WDPCP: variants seen among roughly 807,000 people sequenced by gnomAD.
The protein encoded by WDPCP is WD repeat containing planar cell polarity effector.
WDPCP carries 71 observed loss-of-function variants against 93.1 expected under a neutral mutation model. The ratio of observed to expected loss-of-function variants is 0.76; its 90% CI spans 0.63 to 0.93. The LOEUF (loss-of-function observed/expected upper bound fraction) is 0.93. Ranked by LOEUF, WDPCP falls within the 40% of genes least tolerant of loss-of-function variation. The pLI is 0.00. For synonymous variants in WDPCP, 315 were observed against 315.0 expected, an observed-to-expected ratio of 1.00 and a Z score of 0.00; for missense variants, 844 against 887.4, an observed-to-expected ratio of 0.95 and a Z score of 0.62.
At chr2:63,258,180 G>A (rs957579371) in intron 14 of WDPCP, among the ~76,000 whole-genome samples, 17 of 152,122 alleles carry the variant, frequency 1.1e-4, no homozygotes, top group African/African-American at 4.1e-4. Flanking sequence ...TCCCTAGAAA[G>A]TAACAAGATA....
intron 12 of WDPCP, among the ~76,000 whole-genome samples, chr2:63,354,555 C>A (rs1011818538): frequency 6.6e-6 from 1 of 152,168 alleles, no homozygotes; most frequent in African/African-American, 2.4e-5. Context: ...AGTCTACCAA[C>A]TGACCAATAA....
At chr2:63,468,900 T>A (rs895723005) in intron 6 of WDPCP, among the ~76,000 whole-genome samples, 28 of 152,094 alleles carry the variant, frequency 1.8e-4, no homozygotes, top group Non-Finnish European at 3.1e-4. Flanking sequence ...TTGACTCCAT[T>A]TCTCCATCAA....
At chr2:63,702,686 C>G (rs1428786464) in intron 2 of WDPCP, among the ~76,000 whole-genome samples, 1 of 151,734 alleles carries the variant, frequency 6.6e-6, no homozygotes, top group Non-Finnish European at 1.5e-5. Context: ...TGCAGGCGCC[C>G]ACCACCACAT....
intron 2 of WDPCP, among the ~76,000 whole-genome samples, chr2:63,732,410 T>G (rs1669575215): frequency 6.6e-6 from 1 of 152,196 alleles, no homozygotes; most frequent in Admixed American, 6.5e-5. Context: ...AAAAAGGTGA[T>G]TTGTAAATAT....
At chr2:63,764,867 C>T (rs1002165684) in intron 2 of WDPCP, among the ~76,000 whole-genome samples, 2 of 152,170 alleles carry the variant, frequency 1.3e-5, no homozygotes, top group Non-Finnish European at 2.9e-5. Flanking sequence ...GATTACTTTC[C>T]TAGCCCAGAT....
intron 2 of WDPCP, among the ~76,000 whole-genome samples, chr2:63,653,837 G>T (rs1051722139): frequency 1.3e-5 from 2 of 151,112 alleles, no homozygotes; most frequent in African/African-American, 2.4e-5. Flanking sequence ...CTGAAGCCAG[G>T]AGACAAAGGT....
intron 12 of WDPCP, among the ~76,000 whole-genome samples, chr2:63,334,650 G>C (rs1486707318): frequency 2.6e-5 from 4 of 152,100 alleles, no homozygotes; most frequent in Non-Finnish European, 5.9e-5. Flanking sequence ...TTTCCCTTTA[G>C]CTTAGTGAGT....
chr2:63,382,893 C>A (rs191253464), intron 10 of WDPCP, among the ~76,000 whole-genome samples: 1 of 152,014 alleles, frequency 6.6e-6, no homozygotes, highest in South Asian at 2.1e-4. Flanking sequence ...AGAATGTGAC[C>A]GTCCAACAGC....
At position 63,484,318 on chromosome 2, in the gene WDPCP, C is replaced by T. The variant is rs867384761; in HGVS notation, c.384+286G>A. The stretch of plus-strand genomic sequence containing the variant: ...TTATTAAATCTATGCCAGCAAACAT[C>T]TACTACAACATTCAGACAACTTCAA... On this transcript the variant is annotated intron_variant, in intron 6 of 17. Transcript: ENST00000272321. 2.0e-5 allele frequency among the ~76,000 whole-genome samples: 3 copies of T among 151,946 alleles called. No homozygotes were observed. In the South Asian group the frequency reaches 6.2e-4, roughly 31 times the overall value.
At chr2:63,472,158 G>A (rs1483842328) in intron 6 of WDPCP, among the ~76,000 whole-genome samples, 1 of 151,578 alleles carries the variant, frequency 6.6e-6, no homozygotes, top group South Asian at 2.1e-4. Context: ...TATGTATCTT[G>A]CTGTTTTTTC....
intron 2 of WDPCP, among the ~76,000 whole-genome samples, chr2:63,783,593 A>G (rs1421907864): frequency 1.3e-5 from 2 of 152,210 alleles, no homozygotes; most frequent in African/African-American, 4.8e-5. Flanking sequence ...ATTCAGCCAT[A>G]AAAAAGAATG....
intron 15 of WDPCP, among the ~76,000 whole-genome samples, chr2:63,163,972 T>C (rs1672798318): frequency 6.6e-6 from 1 of 152,230 alleles, no homozygotes; most frequent in Admixed American, 6.5e-5. Context: ...TGGAGTTTCT[T>C]ATGTATGAAT....
chr2:63,535,800 G>A (rs540855246), intron 1 of WDPCP, among the ~76,000 whole-genome samples: 48 of 152,276 alleles, frequency 3.2e-4, no homozygotes, highest in Admixed American at 9.2e-4. Flanking sequence ...ACATAGGCAT[G>A]GGCAAGGACT....
At chr2:63,515,512 T>C (rs989101979) in intron 1 of WDPCP, among the ~76,000 whole-genome samples, 2 of 152,222 alleles carry the variant, frequency 1.3e-5, no homozygotes, top group Non-Finnish European at 2.9e-5. Flanking sequence ...TGTTAACCTC[T>C]CACTTATAAT....
intron 14 of WDPCP, among the ~76,000 whole-genome samples, chr2:63,200,077 C>T (rs1229409561): frequency 1.3e-5 from 2 of 152,136 alleles, no homozygotes; most frequent in Non-Finnish European, 2.9e-5. Context: ...CCTGTAGTCC[C>T]TTTGTTTTGG....
chr2:63,176,889 T>C (rs531853848), intron 14 of WDPCP, among the ~76,000 whole-genome samples: 47 of 152,202 alleles, frequency 3.1e-4, no homozygotes, highest in Non-Finnish European at 6.8e-4. Flanking sequence ...TTTATACTTT[T>C]GTTTCTTATG....
chr2:63,155,991 C>T (rs1048243482), intron 15 of WDPCP, among the ~76,000 whole-genome samples: 1 of 151,906 alleles, frequency 6.6e-6, no homozygotes, highest in Non-Finnish European at 1.5e-5. Flanking sequence ...ACCGTAAACA[C>T]GTCTATTTAT....
chr2:63,172,329 A>C (rs1293490866), intron 15 of WDPCP, among the ~76,000 whole-genome samples: 1 of 152,262 alleles, frequency 6.6e-6, no homozygotes, highest in East Asian at 1.9e-4. Flanking sequence ...AACATGGTGA[A>C]ACCCTGTTTC....
chr2:63,402,386 G>A lies in WDPCP; in HGVS notation c.1435+1662C>T, dbSNP rs1575337865. ...TGCATGCAGGGCTTAAAACCTAGAT[G>A]ACAGGTTGATAGGTGTAGCAAACCA... On this transcript the variant is annotated intron_variant, in intron 10 of 17. Coordinates refer to ENST00000272321, the MANE Select transcript of WDPCP (RefSeq NM_015910.7). Among the ~76,000 whole-genome samples, 2 of 152,208 alleles carry A rather than the reference G, an allele frequency of 1.3e-5. 1 individual carries two copies. The highest frequency in any genetic ancestry group is 6.8e-3 in the Middle Eastern group (2 of 294).
Sources: gnomAD v4.1 joint callset for allele counts (sites outside exome capture counted in the v4.1 genomes callset) on GRCh38, gnomAD v4.1.1 for gene constraint, MANE v1.5 for transcripts, NCBI Gene and HGNC (gene_info 2026-07-23, HGNC 2026-07-21) for gene names.